OCA2: variants seen among roughly 807,000 people sequenced by gnomAD.
OCA2 encodes the protein P protein.
Under a neutral mutation model 100.2 loss-of-function variants are expected in OCA2, and 77 were observed. That is an observed-to-expected ratio of 0.77 (90% CI 0.64 to 0.93). The LOEUF (loss-of-function observed/expected upper bound fraction) is 0.93, where lower values mean the gene tolerates loss of function less well. OCA2 is among the 40% of genes least tolerant of loss of function. The pLI is 0.00. For synonymous variants in OCA2, 432 were observed against 439.2 expected, an observed-to-expected ratio of 0.98 and a Z score of 0.21; for missense variants, 1,062 against 1,089.1, an observed-to-expected ratio of 0.98 and a Z score of 0.35.
Position 28,014,923 on chromosome 15 carries a change from C to T in OCA2, c.897G>A (p.Thr299=), listed in dbSNP as rs149191701. The change falls in exon 9 of 24, where the codon ACG becomes ACA. Residue 299 remains threonine, a synonymous_variant. Coordinates refer to ENST00000354638, the MANE Select transcript of OCA2 (RefSeq NM_000275.3). ...SRTFEVLTRE[T]VSISIRASLQ... The stretch of plus-strand genomic sequence containing the variant: ...GGGAGGCCCGGATGCTGATGGACAC[C>T]GTCTCTCTGCAGAACGAAACAACGA... 3.0e-5 allele frequency: 49 copies of T among 1,613,980 alleles called. No homozygotes were observed. The highest frequency in any genetic ancestry group is 3.7e-5 in the Non-Finnish European group (44 of 1,180,020).
chr15:27,902,212 TGTTGTTG>T (rs2037971057), intron 19 of OCA2, among the ~76,000 whole-genome samples: 2 of 151,094 alleles, frequency 1.3e-5, no homozygotes, highest in African/African-American at 4.9e-5. Flanking sequence ...AAGTTGTTGT[TGTTGTTG>T]TTTTTTTCTA....
intron 1 of OCA2, among the ~76,000 whole-genome samples, chr15:28,096,923 C>A (rs8026089): frequency 0.066 from 10,086 of 152,094 alleles, 627 homozygotes; most frequent in African/African-American, 0.16. Context: ...CGCAGCCGGG[C>A]ACGCGGCCGC....
intron 2 of OCA2, among the ~76,000 whole-genome samples, chr15:28,058,075 TG>T (rs2043759242): frequency 6.6e-6 from 1 of 152,142 alleles, no homozygotes; most frequent in Non-Finnish European, 1.5e-5. Context: ...CCTGAAGGGC[TG>T]GTAGACATTC....
intron 9 of OCA2, among the ~76,000 whole-genome samples, chr15:28,012,918 T>A (rs956346395): frequency 6.6e-6 from 1 of 152,180 alleles, no homozygotes; most frequent in African/African-American, 2.4e-5. Context: ...TGGACACCAC[T>A]GGAAGTTACT....
intron 23 of OCA2, among the ~76,000 whole-genome samples, chr15:27,793,159 T>G (rs1173957805): frequency 1.3e-5 from 2 of 152,226 alleles, no homozygotes; most frequent in African/African-American, 4.8e-5. Context: ...CAATGGGGCT[T>G]GGCTACTCAA....
intron 2 of OCA2, among the ~76,000 whole-genome samples, chr15:28,054,271 CAT>C (rs1215702280): frequency 2.0e-5 from 3 of 152,022 alleles, no homozygotes; most frequent in South Asian, 2.1e-4. Context: ...TGCATATAAT[CAT>C]GTGTGCATGC....
intron 18 of OCA2, among the ~76,000 whole-genome samples, chr15:27,948,838 T>C (rs1176632743): frequency 6.6e-6 from 1 of 152,104 alleles, no homozygotes; most frequent in Non-Finnish European, 1.5e-5. Flanking sequence ...GACAAGCCAG[T>C]CTCGAAAGGT....
chr15:28,062,924 T>C (rs1320962845), intron 2 of OCA2, among the ~76,000 whole-genome samples: 1 of 152,204 alleles, frequency 6.6e-6, no homozygotes, highest in African/African-American at 2.4e-5. Flanking sequence ...ATGTCTATCC[T>C]TATGCCAGAA....
chr15:27,898,044 C>A (rs1160300449), intron 19 of OCA2, among the ~76,000 whole-genome samples: 1 of 152,132 alleles, frequency 6.6e-6, no homozygotes, highest in Non-Finnish European at 1.5e-5. Context: ...GCTGTATTTA[C>A]CAAATGCTTG....
At chr15:27,750,219 ATCCTGGATAGAGAAGTAGAACGTC>A (rs2030021299), downstream of OCA2, among the ~76,000 whole-genome samples, 1 of 152,222 alleles carries the variant, frequency 6.6e-6, no homozygotes, top group South Asian at 2.1e-4. Flanking sequence ...ATACTAACGC[ATCCTGGATAGAGAAGTAGAACGTC>A]TCCTTCAAGA....
intron 19 of OCA2, among the ~76,000 whole-genome samples, chr15:27,873,531 A>G (rs2036668702): frequency 6.6e-6 from 1 of 152,142 alleles, no homozygotes; most frequent in Admixed American, 6.5e-5. Context: ...CCTAAACCAG[A>G]TTAAAATGTT....
intron 2 of OCA2, among the ~76,000 whole-genome samples, chr15:28,054,897 G>C (rs1428275229): frequency 1.3e-5 from 2 of 152,182 alleles, no homozygotes; most frequent in Non-Finnish European, 2.9e-5. Context: ...GGAGGAGAGA[G>C]AAGAATGAGA....
chr15:27,832,015 G>C (rs1447983338), intron 23 of OCA2, among the ~76,000 whole-genome samples: 1 of 147,608 alleles, frequency 6.8e-6, no homozygotes, highest in Non-Finnish European at 1.5e-5. Context: ...ACCACCCCCT[G>C]CTCCGTCAGA....
At chr15:27,873,463 G>A (rs981982008) in intron 19 of OCA2, among the ~76,000 whole-genome samples, 3 of 152,182 alleles carry the variant, frequency 2.0e-5, no homozygotes, top group African/African-American at 7.2e-5. Context: ...AAAAAATATT[G>A]AATGTAGCTA....
chr15:28,088,068 A>G (rs1242470261), intron 1 of OCA2, among the ~76,000 whole-genome samples: 3 of 142,628 alleles, frequency 2.1e-5, no homozygotes, highest in African/African-American at 8.5e-5. Context: ...ATCTCAAAGG[A>G]AAAAAAAAAA....
chr15:28,018,614 C>A (rs139891094), intron 6 of OCA2, 57 bp from the exon 7 acceptor site: 2 of 1,534,756 alleles, frequency 1.3e-6, no homozygotes, highest in East Asian at 2.3e-5. Flanking sequence ...ATGTCCCCGC[C>A]GCCCGCCAGA....
chr15:27,909,974 GA>G (rs2140248162), intron 19 of OCA2, among the ~76,000 whole-genome samples: 1 of 152,008 alleles, frequency 6.6e-6, no homozygotes, highest in Admixed American at 6.5e-5. Context: ...ATACCACAAA[GA>G]GCTAATATCC....
intron 23 of OCA2, among the ~76,000 whole-genome samples, chr15:27,838,132 A>C (rs2035223424): frequency 1.3e-5 from 2 of 152,172 alleles, no homozygotes; most frequent in Admixed American, 6.5e-5. Context: ...AGGAAACACA[A>C]AACCACATAC....
the OCA2 span, among the ~76,000 whole-genome samples, chr15:27,725,460 C>T: frequency 6.6e-5 from 10 of 152,178 alleles, no homozygotes; most frequent in Admixed American, 2.0e-4. Flanking sequence ...CCCAGCTACT[C>T]AGGAGGCTGA....
Sources: gnomAD v4.1 joint callset for allele counts (sites outside exome capture counted in the v4.1 genomes callset) on GRCh38, gnomAD v4.1.1 for gene constraint, MANE v1.5 for transcripts, NCBI Gene and HGNC (gene_info 2026-07-23, HGNC 2026-07-21) for gene names.